The following TMEM17 variants were observed in gnomAD, a reference collection of about 807,000 sequenced individuals.
TMEM17 encodes the protein transmembrane protein 17.
TMEM17 carries 15 observed loss-of-function variants against 19.1 expected under a neutral mutation model. That is an observed-to-expected ratio of 0.78 (90% CI 0.52 to 1.21). TMEM17 has a LOEUF of 1.21. Ranked by LOEUF, TMEM17 falls within the 50% of genes most tolerant of loss-of-function variation. The pLI is 0.00. For missense variants in TMEM17, 245 were observed against 242.3 expected (o/e 1.01, Z -0.07); for synonymous variants, 103 against 86.9 (o/e 1.19, Z -1.03).
chr2:62,502,237 T>G, intron 3 of TMEM17, 200 bp downstream of exon 3: 2 of 396,664 alleles, frequency 5.0e-6, no homozygotes, highest in South Asian at 4.7e-5. Context: ...GAAGTAAATA[T>G]TATTTTCCTC....
the TMEM17 span, among the ~76,000 whole-genome samples, chr2:62,468,204 G>A: frequency 1.3e-5 from 2 of 152,168 alleles, no homozygotes; most frequent in Non-Finnish European, 2.9e-5. Flanking sequence ...TACAGAGGCA[G>A]CCAGCAGCCT....
the TMEM17 span, among the ~76,000 whole-genome samples, chr2:62,479,883 C>T: frequency 8.5e-6 from 1 of 118,154 alleles, no homozygotes; most frequent in Admixed American, 9.7e-5. Context: ...AGAGTGAGAC[C>T]TGTCTCAAAA....
the TMEM17 span, among the ~76,000 whole-genome samples, chr2:62,479,855 C>G: frequency 1.4e-5 from 2 of 144,062 alleles, no homozygotes; most frequent in Admixed American, 1.4e-4. Flanking sequence ...CCACTGCACT[C>G]CACCGTGAGT....
the TMEM17 span, among the ~76,000 whole-genome samples, chr2:62,481,317 C>A: frequency 6.6e-6 from 1 of 152,098 alleles, no homozygotes; most frequent in Non-Finnish European, 1.5e-5. Flanking sequence ...TGAATTATTT[C>A]ATCAGTTCTG....
chr2:62,461,980 C>A, the TMEM17 span, among the ~76,000 whole-genome samples: 24 of 152,374 alleles, frequency 1.6e-4, no homozygotes, highest in Non-Finnish European at 2.8e-4. Context: ...GGCAGTCAGG[C>A]CAGTGGGCTG....
rs756097790 is a variant in TMEM17 at position 62,501,199 on chromosome 2, C to G, written c.*10G>C. On this transcript the variant is annotated 3_prime_UTR_variant, in exon 4 of 4. Transcript: ENST00000335390. ...AATGATCTGTCAGATTTTCACTCAA[C>G]AACACTGGATCAGATCTCTTCTATA... is the stretch of plus-strand genomic sequence containing the variant. 4.4e-6 allele frequency: 7 copies of G among 1,608,358 alleles called. No homozygotes were observed. The East Asian group carries it at 1.6e-4, about 36-fold the overall frequency.
At chr2:62,466,372 C>A in the TMEM17 span, among the ~76,000 whole-genome samples, 3 of 152,142 alleles carry the variant, frequency 2.0e-5, no homozygotes, top group African/African-American at 7.2e-5. Context: ...GCCTGCTGGT[C>A]CCAGACGCTG....
At chr2:62,465,982 T>C in the TMEM17 span, among the ~76,000 whole-genome samples, 1 of 152,214 alleles carries the variant, frequency 6.6e-6, no homozygotes, top group East Asian at 1.9e-4. Context: ...GAGCCAGTTT[T>C]AGTTGGAGAA....
At chr2:62,504,788 A>AT (rs1000130271) in intron 1 of TMEM17, among the ~76,000 whole-genome samples, 1 of 152,230 alleles carries the variant, frequency 6.6e-6, no homozygotes, top group East Asian at 1.9e-4. Context: ...AAAAAGTAAT[A>AT]TTTTTTCCAC....
chr2:62,483,262 G>A, the TMEM17 span, among the ~76,000 whole-genome samples: 1 of 152,286 alleles, frequency 6.6e-6, no homozygotes, highest in South Asian at 2.1e-4. Context: ...GATGGAAAAA[G>A]CTGCTTGAAG....
At chr2:62,473,137 A>T in the TMEM17 span, among the ~76,000 whole-genome samples, 1 of 152,328 alleles carries the variant, frequency 6.6e-6, no homozygotes, top group East Asian at 1.9e-4. Context: ...AGAATGTTAA[A>T]TAATAGCCAA....
At chr2:62,454,138 C>A in the TMEM17 span, among the ~76,000 whole-genome samples, 1 of 152,328 alleles carries the variant, frequency 6.6e-6, no homozygotes, top group East Asian at 1.9e-4. Flanking sequence ...CTTGCTGCAG[C>A]AGCCTCCTGG....
At chr2:62,480,691 C>T in the TMEM17 span, among the ~76,000 whole-genome samples, 1 of 102,508 alleles carries the variant, frequency 9.8e-6, no homozygotes, top group Non-Finnish European at 2.3e-5. Flanking sequence ...TGTTCTTGGC[C>T]CCTTCGTAAA....
the TMEM17 span, among the ~76,000 whole-genome samples, chr2:62,470,602 C>T: frequency 2.0e-5 from 3 of 152,240 alleles, no homozygotes; most frequent in Non-Finnish European, 4.4e-5. Flanking sequence ...ACACAGGGTC[C>T]TCAGTCACTC....
At chr2:62,502,272 C>A in intron 3 of TMEM17, 165 bp downstream of exon 3, 1 of 479,438 alleles carries the variant, frequency 2.1e-6, no homozygotes, top group East Asian at 3.2e-5. Context: ...GAAACCAGGG[C>A]TCAAGAGATT....
the TMEM17 span, among the ~76,000 whole-genome samples, chr2:62,475,352 C>T: frequency 6.6e-6 from 1 of 152,242 alleles, no homozygotes; most frequent in African/African-American, 2.4e-5. Context: ...CCGGGCTCAG[C>T]GCCTCTTCGA....
the TMEM17 span, chr2:62,491,450 A>G: frequency 6.6e-6 from 1 of 152,604 alleles, no homozygotes. Flanking sequence ...CCCGGGCAAC[A>G]TAGCGAGACC....
the TMEM17 span, among the ~76,000 whole-genome samples, chr2:62,472,093 A>G: frequency 3.3e-5 from 5 of 152,228 alleles, no homozygotes; most frequent in African/African-American, 1.2e-4. Context: ...GGGTGGGAAT[A>G]CAGATATTTT....
At chr2:62,470,419 T>C in the TMEM17 span, among the ~76,000 whole-genome samples, 1 of 152,246 alleles carries the variant, frequency 6.6e-6, no homozygotes, top group African/African-American at 2.4e-5. Flanking sequence ...TCAATTCCCC[T>C]GCCTGGTGTG....
Sources: gnomAD v4.1 joint callset for allele counts (sites outside exome capture counted in the v4.1 genomes callset) on GRCh38, gnomAD v4.1.1 for gene constraint, MANE v1.5 for transcripts, NCBI Gene and HGNC (gene_info 2026-07-23, HGNC 2026-07-21) for gene names.